KCNH5: variants seen among roughly 807,000 people sequenced by gnomAD.
The protein encoded by KCNH5 is potassium voltage-gated channel subfamily H member 5.
In KCNH5, 46 loss-of-function variants were observed where a neutral mutation model predicts 96.1. The ratio of observed to expected loss-of-function variants is 0.48; its 90% CI spans 0.38 to 0.61. The LOEUF (loss-of-function observed/expected upper bound fraction) is 0.61. Among genes scored for constraint, KCNH5 ranks in the 20% least tolerant of loss-of-function variants. The probability of loss-of-function intolerance (pLI) is 0.00; values close to 1 mark genes in which losing one functional copy is unlikely to be tolerated. For synonymous variants in KCNH5, 439 were observed against 449.8 expected, an observed-to-expected ratio of 0.98 and a Z score of 0.30; for missense variants, 907 against 1,225.8, an observed-to-expected ratio of 0.74 and a Z score of 3.88.
At chr14:62,936,040 G>A (rs1456060386) in intron 7 of KCNH5, among the ~76,000 whole-genome samples, 1 of 152,176 alleles carries the variant, frequency 6.6e-6, no homozygotes, top group Non-Finnish European at 1.5e-5. Context: ...GAGGTCAGGG[G>A]AGAGCCAGAA....
intron 1 of KCNH5, among the ~76,000 whole-genome samples, chr14:63,020,074 T>G (rs892123687): frequency 1.3e-5 from 2 of 152,082 alleles, no homozygotes; most frequent in Non-Finnish European, 2.9e-5. Flanking sequence ...AAGAACAAGA[T>G]GCTTACAATC....
At chr14:62,749,911 G>C (rs1463185434) in intron 10 of KCNH5, among the ~76,000 whole-genome samples, 1 of 152,092 alleles carries the variant, frequency 6.6e-6, no homozygotes, top group African/African-American at 2.4e-5. Flanking sequence ...GTGAAAGATG[G>C]GCCATTATTG....
At chr14:62,863,727 A>T (rs994601277) in intron 7 of KCNH5, among the ~76,000 whole-genome samples, 9 of 152,190 alleles carry the variant, frequency 5.9e-5, no homozygotes, top group African/African-American at 1.9e-4. Flanking sequence ...AAAATGTTTC[A>T]AAATGAAGAT....
chr14:62,888,711 A>T (rs954161100), intron 7 of KCNH5, among the ~76,000 whole-genome samples: 3 of 152,122 alleles, frequency 2.0e-5, no homozygotes, highest in African/African-American at 7.2e-5. Flanking sequence ...GTTGACCCAA[A>T]CCATAATAAT....
chr14:62,786,722 TG>T (rs1886328178), intron 9 of KCNH5, among the ~76,000 whole-genome samples: 1 of 152,206 alleles, frequency 6.6e-6, no homozygotes, highest in African/African-American at 2.4e-5. Context: ...GATCATTTGA[TG>T]TCTCATTTTG....
At chr14:62,872,267 T>C (rs1268314837) in intron 7 of KCNH5, among the ~76,000 whole-genome samples, 4 of 152,208 alleles carry the variant, frequency 2.6e-5, no homozygotes, top group Admixed American at 6.5e-5. Flanking sequence ...TATGGTATTA[T>C]TTTAAAAAAG....
chr14:62,759,573 A>ATATATATATATATATTTTTTTT (rs1171935428), intron 10 of KCNH5, among the ~76,000 whole-genome samples: 4 of 151,080 alleles, frequency 2.6e-5, no homozygotes, highest in Non-Finnish European at 1.5e-5. Flanking sequence ...CGTAGGGTAT[A>ATATATATATATATATTTTTTTT]TTTTTTAATA....
At chr14:62,999,595 C>G (rs1423715210) in intron 4 of KCNH5, among the ~76,000 whole-genome samples, 1 of 151,014 alleles carries the variant, frequency 6.6e-6, no homozygotes, top group East Asian at 2.0e-4. Flanking sequence ...TCATCATTCT[C>G]AGTAAACTAT....
At position 63,003,501 on chromosome 14, in the gene KCNH5, TA is replaced by T. The variant is rs1332558737; in HGVS notation, c.305-2043del. Among the ~76,000 whole-genome samples the T allele has an allele frequency of 1.8e-4, 23 of 125,500 alleles. No homozygotes were observed. The East Asian group carries it at 3.3e-3, about 18-fold the overall frequency. 82.3% of individuals were successfully genotyped at this position (125,500 alleles called of 152,430 possible). On this transcript the variant is annotated intron_variant, in intron 3 of 10. Coordinates refer to ENST00000322893, the MANE Select transcript of KCNH5 (RefSeq NM_139318.5). ...ATATATTTTATATATATTATATATA[TA>T]TTTTATATATATTTTATATATTTTA...
chr14:62,899,589 T>C (rs1041883650), intron 7 of KCNH5, among the ~76,000 whole-genome samples: 2 of 152,026 alleles, frequency 1.3e-5, no homozygotes, highest in African/African-American at 4.8e-5. Context: ...CCCAGCACTT[T>C]GGGAGGCCGA....
At chr14:62,940,627 C>T (rs1889769062) in intron 7 of KCNH5, among the ~76,000 whole-genome samples, 1 of 152,166 alleles carries the variant, frequency 6.6e-6, no homozygotes, top group Non-Finnish European at 1.5e-5. Context: ...GCATGGAGTT[C>T]CCCGAAAGGG....
intron 7 of KCNH5, among the ~76,000 whole-genome samples, chr14:62,892,686 T>C (rs1191883524): frequency 6.6e-6 from 1 of 152,178 alleles, no homozygotes; most frequent in Non-Finnish European, 1.5e-5. Flanking sequence ...AGTGACTTCA[T>C]CTTGAAGCCA....
At chr14:62,799,836 ATATAT>A (rs3045401) in intron 9 of KCNH5, among the ~76,000 whole-genome samples, 18,477 of 141,590 alleles carry the variant, frequency 0.13, 1,379 homozygotes, top group Non-Finnish European at 0.17. Flanking sequence ...ATATTAAATA[ATATAT>A]TATATATATT....
At chr14:62,895,163 T>C (rs1888785669) in intron 7 of KCNH5, among the ~76,000 whole-genome samples, 1 of 152,196 alleles carries the variant, frequency 6.6e-6, no homozygotes, top group African/African-American at 2.4e-5. Flanking sequence ...CCTACATCTA[T>C]TTTTGAGATA....
At chr14:62,840,255 G>A (rs1438395757) in intron 8 of KCNH5, among the ~76,000 whole-genome samples, 1 of 151,934 alleles carries the variant, frequency 6.6e-6, no homozygotes, top group Non-Finnish European at 1.5e-5. Flanking sequence ...GTATAAACTA[G>A]GGACATAAAG....
At chr14:62,972,452 T>C (rs1174820038) in intron 6 of KCNH5, among the ~76,000 whole-genome samples, 1 of 152,228 alleles carries the variant, frequency 6.6e-6, no homozygotes, top group Non-Finnish European at 1.5e-5. Flanking sequence ...TGAAAGTTTC[T>C]TACAAAAGTA....
intron 4 of KCNH5, among the ~76,000 whole-genome samples, chr14:62,992,057 C>T (rs530771823): frequency 6.6e-6 from 1 of 152,100 alleles, no homozygotes; most frequent in Non-Finnish European, 1.5e-5. Flanking sequence ...TTAACACCCA[C>T]TTATGAGTGA....
chr14:62,926,463 A>G (rs1387060756), intron 7 of KCNH5, among the ~76,000 whole-genome samples: 4 of 152,092 alleles, frequency 2.6e-5, no homozygotes, highest in Admixed American at 1.3e-4. Flanking sequence ...TAAGGACAAC[A>G]AAAAGGAGAA....
chr14:62,960,649 C>T (rs934354235), intron 6 of KCNH5, among the ~76,000 whole-genome samples: 1 of 152,044 alleles, frequency 6.6e-6, no homozygotes, highest in African/African-American at 2.4e-5. Flanking sequence ...TTTCCATTTC[C>T]TTTTGTAGAG....
Sources: gnomAD v4.1 joint callset for allele counts (sites outside exome capture counted in the v4.1 genomes callset) on GRCh38, gnomAD v4.1.1 for gene constraint, MANE v1.5 for transcripts, NCBI Gene and HGNC (gene_info 2026-07-23, HGNC 2026-07-21) for gene names.